The following PRKCA variants were observed in gnomAD, a reference collection of about 807,000 sequenced individuals.
PRKCA encodes the protein protein kinase C alpha.
In PRKCA, 27 loss-of-function variants were observed where a neutral mutation model predicts 87.0. The ratio of observed to expected loss-of-function variants is 0.31; its 90% confidence interval spans 0.23 to 0.43. The LOEUF (loss-of-function observed/expected upper bound fraction) is 0.43, where lower values mean the gene tolerates loss of function less well. Among genes scored for constraint, PRKCA ranks in the 20% least tolerant of loss-of-function variants. The pLI is 1.00. For missense variants in PRKCA, 518 were observed against 852.3 expected (o/e 0.61, Z 4.88); for synonymous variants, 329 against 311.1 (o/e 1.06, Z -0.61).
chr17:66,678,791 G>A (rs1002321262), intron 5 of PRKCA, among the ~76,000 whole-genome samples: 1 of 152,174 alleles, frequency 6.6e-6, no homozygotes, highest in Non-Finnish European at 1.5e-5. Context: ...ATTTTGTGGA[G>A]TGTCGTTTTT....
At position 66,750,016 on chromosome 17, in the gene PRKCA, G is replaced by A. The variant is rs113930106; in HGVS notation, c.1524+7256G>A. Among the ~76,000 whole-genome samples the A allele has an allele frequency of 1.3e-4, 20 of 152,240 alleles. 1 individual carries two copies. The highest frequency in any genetic ancestry group is 4.8e-4 in the African/African-American group (20 of 41,548). ...TCTCCTGGCCTCTGGGGAAAGGATTGTAGAGAGGGATAGAAAATAAGAGTA... is the reference window on the plus strand; with the variant it reads ...TCTCCTGGCCTCTGGGGAAAGGATTATAGAGAGGGATAGAAAATAAGAGTA... On this transcript the variant is annotated intron_variant, in intron 13 of 16. Transcript: ENST00000413366.
intron 13 of PRKCA, among the ~76,000 whole-genome samples, chr17:66,751,379 C>G (rs1302199722): frequency 6.6e-6 from 1 of 152,218 alleles, no homozygotes; most frequent in Non-Finnish European, 1.5e-5. Context: ...GGCCCGCCAG[C>G]CTCAGAGCAC....
chr17:66,799,616 G>A (rs796747919), intron 16 of PRKCA, among the ~76,000 whole-genome samples: 6 of 58,940 alleles, frequency 1.0e-4, no homozygotes, highest in Non-Finnish European at 1.3e-4. Context: ...GGTGGTGGTG[G>A]TGGTGGTGAT....
intron 16 of PRKCA, chr17:66,796,361 T>C: frequency 1.1e-6 from 1 of 882,168 alleles, no homozygotes; most frequent in Non-Finnish European, 1.4e-6. Context: ...ATAGCATTCT[T>C]TGCGTGTCCA....
intron 13 of PRKCA, among the ~76,000 whole-genome samples, chr17:66,744,930 C>T (rs1974239934): frequency 6.6e-6 from 1 of 152,216 alleles, no homozygotes; most frequent in South Asian, 2.1e-4. Context: ...AACGTAGCAT[C>T]TTCCAATCTC....
chr17:66,559,543 C>G (rs1968617806), intron 3 of PRKCA, among the ~76,000 whole-genome samples: 1 of 143,810 alleles, frequency 7.0e-6, no homozygotes, highest in Non-Finnish European at 1.5e-5. Flanking sequence ...TTAGGGAACT[C>G]AGGCTCAGAG....
At chr17:66,363,693 C>CTTAT (rs112589987) in intron 2 of PRKCA, among the ~76,000 whole-genome samples, 86,096 of 151,152 alleles carry the variant, frequency 0.57, 25,074 homozygotes, top group Non-Finnish European at 0.63. Context: ...TAGGGATGGG[C>CTTAT]TTATTTATTT....
intron 3 of PRKCA, among the ~76,000 whole-genome samples, chr17:66,576,604 C>G (rs1969243590): frequency 6.6e-6 from 1 of 152,168 alleles, no homozygotes; most frequent in Admixed American, 6.5e-5. Flanking sequence ...GTTCGCAGGA[C>G]AAGAGAAATT....
intron 16 of PRKCA, among the ~76,000 whole-genome samples, chr17:66,794,127 A>G (rs1181282638): frequency 1.3e-5 from 2 of 152,260 alleles, no homozygotes; most frequent in Non-Finnish European, 2.9e-5. Flanking sequence ...AAATTAATCT[A>G]TAATGTTAAC....
chr17:66,421,190 C>A (rs559116336), intron 2 of PRKCA, among the ~76,000 whole-genome samples: 1 of 152,254 alleles, frequency 6.6e-6, no homozygotes, highest in African/African-American at 2.4e-5. Flanking sequence ...TCTGCTTTTG[C>A]TCAGGAGGAA....
At chr17:66,756,290 TAGA>T (rs1974545743) in intron 13 of PRKCA, among the ~76,000 whole-genome samples, 1 of 152,048 alleles carries the variant, frequency 6.6e-6, no homozygotes, top group South Asian at 2.1e-4. Flanking sequence ...CTAACCTACC[TAGA>T]AGAAGGGACA....
At position 66,787,056 on chromosome 17, in the gene PRKCA, A is replaced by G. The variant is rs375851980; in HGVS notation, c.1713+82A>G. On this transcript the variant is annotated intron_variant, in intron 15 of 16. Coordinates refer to ENST00000413366, the MANE Select transcript of PRKCA (RefSeq NM_002737.3). ...TACTTTCCCCACACTTCTAAGAGAG[A>G]TGGCAGAAACACCACAAACCCACAC... 19 of 1,100,480 alleles carry G rather than the reference A, an allele frequency of 1.7e-5. No homozygotes were observed. The African/African-American group carries it at 1.9e-4, about 11-fold the overall frequency. 68.2% of individuals were successfully genotyped at this position (1,100,480 alleles called of 1,614,324 possible).
intron 2 of PRKCA, among the ~76,000 whole-genome samples, chr17:66,368,565 A>AT (rs1392032235): frequency 6.7e-6 from 1 of 149,756 alleles, no homozygotes; most frequent in East Asian, 2.0e-4. Context: ...TAATTTTTGT[A>AT]TTTTTTTGTA....
intron 2 of PRKCA, among the ~76,000 whole-genome samples, chr17:66,438,462 G>A (rs1472058237): frequency 6.6e-6 from 1 of 152,126 alleles, no homozygotes; most frequent in Non-Finnish European, 1.5e-5. Context: ...TAAAAAGCTC[G>A]AATAATGGAG....
chr17:66,631,567 C>T lies in PRKCA; in HGVS notation c.289-9788C>T, dbSNP rs145354049. Among the ~76,000 whole-genome samples the T allele has an allele frequency of 1.4e-3, 208 of 152,170 alleles. 1 individual carries two copies. The highest frequency in any genetic ancestry group is 6.5e-3 in the Admixed American group (99 of 15,284). ...CCAAATAGCTGGGACCACAAGCATG[C>T]GCCACTGCACCTAGCTTATCTTTTT... is the stretch of plus-strand genomic sequence containing the variant. On this transcript the variant is annotated intron_variant, in intron 3 of 16. Transcript: ENST00000413366.
intron 2 of PRKCA, among the ~76,000 whole-genome samples, chr17:66,413,952 G>T (rs1383811288): frequency 6.6e-6 from 1 of 150,876 alleles, no homozygotes; most frequent in Non-Finnish European, 1.5e-5. Flanking sequence ...GGCAGAGGTT[G>T]CAGTGAGCCA....
chr17:66,458,236 T>C (rs1003193787), intron 2 of PRKCA, among the ~76,000 whole-genome samples: 3 of 152,240 alleles, frequency 2.0e-5, no homozygotes, highest in African/African-American at 7.2e-5. Context: ...AGGCATTCCT[T>C]CTTTTGTCAG....
chr17:66,455,811 A>G (rs542252275), intron 2 of PRKCA, among the ~76,000 whole-genome samples: 3 of 152,332 alleles, frequency 2.0e-5, no homozygotes, highest in East Asian at 1.9e-4. Context: ...CAGCCTGTGC[A>G]GTAGGCCTAG....
chr17:66,498,833 G>A (rs761692841), intron 3 of PRKCA, among the ~76,000 whole-genome samples: 1 of 152,200 alleles, frequency 6.6e-6, no homozygotes. Flanking sequence ...TCAGACAAAG[G>A]GAAGAGCAAG....
Sources: gnomAD v4.1 joint callset for allele counts (sites outside exome capture counted in the v4.1 genomes callset) on GRCh38, gnomAD v4.1.1 for gene constraint, MANE v1.5 for transcripts, NCBI Gene and HGNC (gene_info 2026-07-23, HGNC 2026-07-21) for gene names.